Variants in ADAMTS13 observed in about 807,000 individuals in gnomAD.
ADAMTS13 encodes the protein A disintegrin and metalloproteinase with thrombospondin motifs 13.
A neutral mutation model predicts 155.1 loss-of-function variants in ADAMTS13; 110 were observed. That is an observed-to-expected ratio of 0.71 (90% confidence interval 0.61 to 0.83). The LOEUF (loss-of-function observed/expected upper bound fraction) is 0.83, where lower values mean the gene tolerates loss of function less well. ADAMTS13 is among the 40% of genes least tolerant of loss of function. ADAMTS13 has a pLI of 0.00. For missense variants in ADAMTS13, 1,707 were observed against 1,891.7 expected (o/e 0.90, Z 1.81); for synonymous variants, 758 against 756.4 (o/e 1.00, Z -0.03).
chr9:133,444,775 C>A, intron 19 of ADAMTS13, 88 bp from the exon 20 acceptor site: 1 of 1,374,302 alleles, frequency 7.3e-7, no homozygotes, highest in Non-Finnish European at 1.0e-6. Context: ...GGGAGCAGGT[C>A]CCCTTCCTCC....
chr9:133,414,489 C>A (rs1839434414), exon 1 of ADAMTS13: 2 of 720,838 alleles, frequency 2.8e-6, no homozygotes, highest in Non-Finnish European at 5.0e-6. Flanking sequence ...GCAGGCCCTG[C>A]CTTATCATGC....
chr9:133,427,905 G>A (rs1436515967), intron 6 of ADAMTS13, among the ~76,000 whole-genome samples: 1 of 152,208 alleles, frequency 6.6e-6, no homozygotes, highest in African/African-American at 2.4e-5. Flanking sequence ...ATGGAAAAGG[G>A]GCAGTAACTT....
Position 133,456,986 on chromosome 9 carries a change from C to CA in ADAMTS13, c.3724+268dup, listed in dbSNP as rs1554796287. The CA allele has an allele frequency of 1.0e-5, 6 of 585,522 alleles. No homozygotes were observed. The highest frequency in any genetic ancestry group is 1.9e-5 in the Non-Finnish European group (6 of 315,478). The allele number at this position is 585,522 out of a possible 1,614,324, so 36.3% of individuals were successfully genotyped here. ...TGGTCCACATCCTCAGTCAGTCCCTCAGGCCTCTGCCCCACACCCACCTGC... is the reference window on the plus strand; with the variant it reads ...TGGTCCACATCCTCAGTCAGTCCCTCAAGGCCTCTGCCCCACACCCACCTGC... On this transcript the variant is annotated intron_variant, in intron 27 of 28. Transcript: ENST00000355699. The surrounding 1 kb of genome is among the most constrained non-coding windows in gnomAD (Gnocchi z 4.4).
upstream of ADAMTS13, among the ~76,000 whole-genome samples, chr9:133,418,567 C>A (rs1163796092): frequency 6.6e-6 from 1 of 152,218 alleles, no homozygotes. Context: ...CTCCAAAAAC[C>A]GAGCTCTCTG....
intron 21 of ADAMTS13, among the ~76,000 whole-genome samples, chr9:133,446,137 A>C (rs1554792558): frequency 6.6e-6 from 1 of 152,198 alleles, no homozygotes; most frequent in African/African-American, 2.4e-5. Flanking sequence ...TTTAAGATAC[A>C]CAGCGTTCTT....
Position 133,424,468 on chromosome 9 carries a change from A to C in ADAMTS13, c.320A>C (p.Asn107Thr), listed in dbSNP as rs1554784662. 1.9e-6 allele frequency: 3 copies of C among 1,613,468 alleles called. No individual in the cohort carries two copies. Among genetic ancestry groups the C allele is most frequent in the Non-Finnish European group, 2.5e-6 (3 of 1,179,782 alleles). ...QEDTERYVLT[N>T]LNIGAELLRD... ...GACACAGAGCGCTATGTGCTCACCA[A>C]CCTCAACATCGTGAGTGCCCCACGC... The change falls in exon 3 of 29, where the codon AAC becomes ACC. Residue 107 changes from asparagine (N) to threonine (T), a missense_variant. Asn to Thr is a moderately conservative substitution (Grantham distance 65). Around this residue, in one of 3 missense-constraint regions of ADAMTS13, gnomAD observed 733 missense variants for 749.6 expected, o/e 0.98. Coordinates refer to ENST00000355699, the MANE Select transcript of ADAMTS13 (RefSeq NM_139027.6). This position sits in a 1 kb window ranked among gnomAD's most constrained non-coding sequence, Gnocchi z 4.3.
In ADAMTS13 at chr9:133,458,977, C is replaced by T. The variant is rs1345844859; in HGVS notation, c.3913C>T (p.Arg1305Trp). The change falls in exon 29 of 29, where the codon CGG becomes TGG. Residue 1305 changes from arginine to tryptophan, a missense_variant. Transcript: ENST00000355699. ...TGGGCTGCCCCTTTTCTCTCAGATC[C>T]GGGACACCCACAGCTTGAGGACCAC... ...EGANASYILI[R>W]DTHSLRTTAF... 4.3e-6 allele frequency: 7 copies of T among 1,612,936 alleles called. No homozygotes were observed. In the African/African-American group the frequency reaches 8.0e-5, roughly 18 times the overall value.
chr9:133,446,039 G>A (rs904287840), intron 21 of ADAMTS13, among the ~76,000 whole-genome samples: 1 of 152,228 alleles, frequency 6.6e-6, no homozygotes, highest in African/African-American at 2.4e-5. Flanking sequence ...AATAACGCCC[G>A]GCAGTGTGGC....
intron 23 of ADAMTS13, among the ~76,000 whole-genome samples, chr9:133,450,371 C>A (rs921971463): frequency 6.6e-6 from 1 of 151,940 alleles, no homozygotes; most frequent in Admixed American, 6.6e-5. Context: ...GAGTTCGAGA[C>A]CAGCCTGTCC....
In ADAMTS13 at chr9:133,425,474, C is replaced by G; in HGVS notation, c.331-55C>G. On this transcript the variant is annotated intron_variant, in intron 3 of 28. Transcript: ENST00000355699. The surrounding 1 kb of genome is among the most constrained non-coding windows in gnomAD (Gnocchi z 4.6). ...GGGGCCCCTGGGAGTCAGCAGCTGC[C>G]TGGGGCTGGCAATGCCCACCCGACG... 1.3e-6 allele frequency: 2 copies of G among 1,536,802 alleles called. No homozygotes were observed. Among genetic ancestry groups the G allele is most frequent in the Non-Finnish European group, 1.8e-6 (2 of 1,126,748 alleles).
In ADAMTS13 at chr9:133,430,095, G is replaced by C. The variant is rs1007140315; in HGVS notation, c.981G>C (p.Glu327Asp). Residue 327 changes from glutamate to aspartate, a missense_variant, in exon 8 of 29, where the codon GAG becomes GAC. Around this residue, in one of 3 missense-constraint regions of ADAMTS13, gnomAD observed 733 missense variants for 749.6 expected, o/e 0.98. Transcript: ENST00000355699. ...PKAVACTFAR[E>D]HLDMCQALSC... is the part of the protein sequence containing the mutation. ...CTGTCGCCTGCACCTTCGCCAGGGA[G>C]CACCTGGTGAGTCTGCCGGCGGTGG... 2.5e-6 allele frequency: 4 copies of C among 1,586,004 alleles called. No individual in the cohort carries two copies. The African/African-American group carries it at 5.4e-5, about 21-fold the overall frequency.
chr9:133,456,743 C>G lies in ADAMTS13; in HGVS notation c.3724+24C>G. 1 of 1,551,924 alleles carries G rather than the reference C, an allele frequency of 6.4e-7. No homozygotes were observed. The highest frequency in any genetic ancestry group is 8.7e-7 in the Non-Finnish European group (1 of 1,147,324). On this transcript the variant is annotated intron_variant, in intron 27 of 28. Coordinates refer to ENST00000355699, the MANE Select transcript of ADAMTS13 (RefSeq NM_139027.6). This position sits in a 1 kb window ranked among gnomAD's most constrained non-coding sequence, Gnocchi z 4.4. ...AGGTATGGCCAGGCCTTCTCCACCTCCCTTGGGTGCTCCAGTCCTGGCAGG... is the reference window on the plus strand; with the variant it reads ...AGGTATGGCCAGGCCTTCTCCACCTGCCTTGGGTGCTCCAGTCCTGGCAGG...
At chr9:133,430,956 C>T (rs1241034992) in intron 8 of ADAMTS13, among the ~76,000 whole-genome samples, 7 of 146,260 alleles carry the variant, frequency 4.8e-5, no homozygotes, top group Admixed American at 2.8e-4. Context: ...CACAGCGCCC[C>T]GCCAAGTCTT....
chr9:133,422,121 T>C (rs1839991013), upstream of ADAMTS13: 1 of 384,292 alleles, frequency 2.6e-6, no homozygotes, highest in African/African-American at 2.1e-5. Flanking sequence ...TGGTCCAGTG[T>C]CCCTTCTCCA....
In ADAMTS13 at chr9:133,440,268, G is replaced by A. The variant is rs1841562651; in HGVS notation, c.1787-76G>A. The A allele has an allele frequency of 2.5e-6, 4 of 1,590,178 alleles. No homozygotes were observed. In the South Asian group the frequency reaches 4.4e-5, roughly 18 times the overall value. Reference sequence around the variant, plus strand: ...GAGGAGGGCTGGGGACCCCGGGAAGGAGAGTCACTGACATGTGCCTGTGAG... The same window carrying A: ...GAGGAGGGCTGGGGACCCCGGGAAGAAGAGTCACTGACATGTGCCTGTGAG... On this transcript the variant is annotated intron_variant, in intron 15 of 28. Transcript: ENST00000355699. This position sits in a 1 kb window ranked among gnomAD's most constrained non-coding sequence, Gnocchi z 4.3.
rs1244624030 is a variant in ADAMTS13, at chr9:133,440,006, C to T, written c.1787-338C>T. Among the ~76,000 whole-genome samples the T allele has an allele frequency of 6.6e-6, 1 of 152,282 alleles. No homozygotes were observed. Among genetic ancestry groups the T allele is most frequent in the Non-Finnish European group, 1.5e-5 (1 of 68,054 alleles). ...GAAGCCAACAGCAAAAGCTGGACTT[C>T]TCTTTGGGCAAGGCCCGCTTCTTTG... On this transcript the variant is annotated intron_variant, in intron 15 of 28. Transcript: ENST00000355699. This position sits in a 1 kb window ranked among gnomAD's most constrained non-coding sequence, Gnocchi z 4.3.
intron 11 of ADAMTS13, among the ~76,000 whole-genome samples, chr9:133,434,641 A>G (rs1004266960): frequency 1.3e-5 from 2 of 152,222 alleles, no homozygotes; most frequent in East Asian, 3.8e-4. Context: ...ACATTCATGT[A>G]GCATGAAATC....
intron 13 of ADAMTS13, 88 bp from the exon 14 acceptor site, chr9:133,438,158 C>T: frequency 6.2e-7 from 1 of 1,608,476 alleles, no homozygotes; most frequent in Non-Finnish European, 8.5e-7. Context: ...TTTTGTGGAT[C>T]CCAGAATCTC....
upstream of ADAMTS13, among the ~76,000 whole-genome samples, chr9:133,419,587 GGGA>G (rs1839862500): frequency 6.6e-6 from 1 of 152,130 alleles, no homozygotes. Flanking sequence ...TCAGTGCAGT[GGGA>G]GGAGAAGCGG....
Sources: allele counts gnomAD v4.1 joint callset (sites outside exome capture counted in the v4.1 genomes callset), GRCh38; gene constraint gnomAD v4.1.1; regional missense constraint gnomAD v4.1.1; non-coding constraint Gnocchi (gnomAD v3.1); transcripts MANE v1.5; gene names NCBI Gene and HGNC (gene_info 2026-07-23, HGNC 2026-07-21).